The following RESF1 variants were observed in gnomAD, a reference collection of about 807,000 sequenced individuals.
RESF1 encodes retroelement silencing factor 1, also known as gonad expressed transcript.
A neutral mutation model predicts 134.7 loss-of-function variants in RESF1; 65 were observed. The observed-to-expected ratio is 0.48, with a 90% CI of 0.40 to 0.59. The LOEUF is 0.59. RESF1 is among the 20% of genes least tolerant of loss of function. The pLI, the probability that RESF1 is intolerant of heterozygous loss-of-function variation, is 0.00. For missense variants in RESF1, 2,274 were observed against 2,002.7 expected (o/e 1.14, Z -2.59); for synonymous variants, 762 against 702.2 (o/e 1.09, Z -1.35).
At chr12:31,991,007 C>G (rs530324456) in intron 5 of RESF1, among the ~76,000 whole-genome samples, 3 of 152,240 alleles carry the variant, frequency 2.0e-5, no homozygotes, top group South Asian at 4.1e-4. Flanking sequence ...CCAGCTTCGG[C>G]AACATCAGGA....
chr12:31,984,672 G>A lies in RESF1; in HGVS notation c.3717G>A (p.Lys1239=), dbSNP rs750536472. 2 of 1,584,282 alleles carry A rather than the reference G, an allele frequency of 1.3e-6. No individual in the cohort carries two copies. Among genetic ancestry groups the A allele is most frequent in the Admixed American group, 4.0e-5 (2 of 50,240 alleles). The change falls in exon 4 of 6, where the codon AAG becomes AAA. Residue 1239 remains lysine (K), a synonymous_variant. Transcript: ENST00000312561. ...TTAAGAGCCTTGTAAATAATCCAAA[G>A]ACTCCTCCAGATGGGAAAAGTCATT... The part of the protein sequence containing the change: ...VQFKSLVNNP[K]TPPDGKSHFP...
At chr12:31,960,714 T>A (rs940528615) in intron 1 of RESF1, 63 bp from the exon 2 acceptor site, 1 of 152,216 alleles carries the variant, frequency 6.6e-6, no homozygotes, top group Non-Finnish European at 1.5e-5. Flanking sequence ...CACAGCAGTG[T>A]CATATCTAGT....
At position 31,981,668 on chromosome 12, in the gene RESF1, C is replaced by G; in HGVS notation, c.713C>G (p.Pro238Arg). The G allele has an allele frequency of 1.9e-6, 3 of 1,613,744 alleles. No individual in the cohort carries two copies. The highest frequency in any genetic ancestry group is 2.5e-6 in the Non-Finnish European group (3 of 1,179,902). ...DSTIQKQNFI[P>R]HTSLQVKNSQ... ...ACCATTCAAAAACAAAACTTTATACCACATACATCATTGCAAGTTAAAAAT... is the reference window on the plus strand; with the variant it reads ...ACCATTCAAAAACAAAACTTTATACGACATACATCATTGCAAGTTAAAAAT... Residue 238 changes from proline to arginine, a missense_variant, in exon 4 of 6, where the codon CCA (proline) becomes CGA (arginine). Transcript: ENST00000312561.
In RESF1 at chr12:31,983,991, G is replaced by C. The variant is rs755000740; in HGVS notation, c.3036G>C (p.Ser1012=). 4 of 1,613,912 alleles carry C rather than the reference G, an allele frequency of 2.5e-6. No homozygotes were observed. The highest frequency in any genetic ancestry group is 3.4e-6 in the Non-Finnish European group (4 of 1,179,982). ...AAAGCACAGCTAACGATACGTGCTC[G>C]TCAGCTGCTATTCAGGAGGATATTT... is the stretch of plus-strand genomic sequence containing the variant. ...TEKSTANDTC[S]SAAIQEDIYP... is the part of the protein sequence containing the mutation. The change falls in exon 4 of 6, where the codon TCG becomes TCC. Residue 1012 remains serine (S), a synonymous_variant. Transcript: ENST00000312561.
rs149786017 is a variant in RESF1, at chr12:31,991,828, G to A, written c.5087-550G>A. 3.7e-3 allele frequency among the ~76,000 whole-genome samples: 567 copies of A among 152,272 alleles called. 6 individuals are homozygous for A. Among genetic ancestry groups the A allele is most frequent in the Middle Eastern group, 0.01 (3 of 294 alleles). On this transcript the variant is annotated intron_variant, in intron 5 of 5. Transcript: ENST00000312561. ...CTCCCAGAGTGCTGGGATTACAGGCGTGAACCACCATACCCAGCCTCAACA... is the reference window on the plus strand; with the variant it reads ...CTCCCAGAGTGCTGGGATTACAGGCATGAACCACCATACCCAGCCTCAACA...
chr12:31,966,117 C>T (rs1939392876), intron 2 of RESF1, among the ~76,000 whole-genome samples: 1 of 151,816 alleles, frequency 6.6e-6, no homozygotes. Flanking sequence ...TCTTGGGCCA[C>T]ACATAAAATA....
intron 5 of RESF1, among the ~76,000 whole-genome samples, chr12:31,991,166 C>G (rs981439305): frequency 1.3e-5 from 2 of 150,200 alleles, no homozygotes; most frequent in East Asian, 2.0e-4. Context: ...CACTGCACTC[C>G]AGCCTGGGCA....
intron 4 of RESF1, among the ~76,000 whole-genome samples, chr12:31,986,906 A>G (rs1939985181): frequency 6.6e-6 from 1 of 152,120 alleles, no homozygotes; most frequent in African/African-American, 2.4e-5. Context: ...GGATCCTTGG[A>G]ATTTGAGGTG....
chr12:31,992,677 G>C lies in RESF1; in HGVS notation c.*142G>C. The C allele has an allele frequency of 1.1e-6, 1 of 875,092 alleles. No homozygotes were observed. The highest frequency in any genetic ancestry group is 1.5e-5 in the South Asian group (1 of 66,258). The allele number at this position is 875,092 out of a possible 1,614,324, so 54.2% of individuals were successfully genotyped here. ...ACTTTCATTGTATTTCATTGAAAGT[G>C]CTTAATTAAAATGGCTTGAGAACTT... On this transcript the variant is annotated 3_prime_UTR_variant, in exon 6 of 6. Coordinates refer to ENST00000312561, the MANE Select transcript of RESF1 (RefSeq NM_018169.4).
At chr12:31,969,029 T>C (rs1164557042) in intron 2 of RESF1, among the ~76,000 whole-genome samples, 1 of 152,036 alleles carries the variant, frequency 6.6e-6, no homozygotes, top group Non-Finnish European at 1.5e-5. Flanking sequence ...CACTCTCGAC[T>C]TCCCATGCTC....
At position 31,992,653 on chromosome 12, in the gene RESF1, C is replaced by CT; in HGVS notation, c.*121dup. The CT allele has an allele frequency of 2.8e-6, 3 of 1,084,080 alleles. No individual in the cohort carries two copies. Among genetic ancestry groups the CT allele is most frequent in the Non-Finnish European group, 4.1e-6 (3 of 725,780 alleles). 67.2% of individuals were successfully genotyped at this position (1,084,080 alleles called of 1,614,324 possible). On this transcript the variant is annotated 3_prime_UTR_variant, in exon 6 of 6. Coordinates refer to ENST00000312561, the MANE Select transcript of RESF1 (RefSeq NM_018169.4). ...AAGATTTCTCAGAGTTTGGTTCCCA[C>CT]TTTCATTGTATTTCATTGAAAGTGC...
chr12:31,964,259 A>G (rs1047971692), intron 2 of RESF1, among the ~76,000 whole-genome samples: 1 of 130,958 alleles, frequency 7.6e-6, no homozygotes, highest in African/African-American at 2.9e-5. Flanking sequence ...CTAGTACCCA[A>G]TTAGTTGTTT....
chr12:31,985,084 T>C lies in RESF1; in HGVS notation c.4129T>C (p.Leu1377=). The change falls in exon 4 of 6, where the codon TTA becomes CTA. Residue 1377 remains leucine, a synonymous_variant. Coordinates refer to ENST00000312561, the MANE Select transcript of RESF1 (RefSeq NM_018169.4). Reference sequence around the variant, plus strand: ...AGTTAGCTTCAAACAAAAACGAAAGTTAGACCAAGGGAACGTATTAGATAT... The same window carrying C: ...AGTTAGCTTCAAACAAAAACGAAAGCTAGACCAAGGGAACGTATTAGATAT... ...KSVSFKQKRK[L]DQGNVLDMEV... is the part of the protein sequence containing the mutation. The C allele has an allele frequency of 6.4e-7, 1 of 1,567,636 alleles. No homozygotes were observed. Among genetic ancestry groups the C allele is most frequent in the Non-Finnish European group, 8.6e-7 (1 of 1,165,336 alleles).
rs1406247732 is a variant in RESF1, at chr12:31,983,509, C to A, written c.2554C>A (p.Pro852Thr). ...AACTAATGGTAATTCAGAAGTCACACCTAATGTCAATCAAGGAAAGCATAA... is the reference window on the plus strand; with the variant it reads ...AACTAATGGTAATTCAGAAGTCACAACTAATGTCAATCAAGGAAAGCATAA... Reference protein sequence around the residue: ...ESTNGNSEVTPNVNQGKHNKL... With the variant: ...ESTNGNSEVTTNVNQGKHNKL... Residue 852 changes from proline to threonine, a missense_variant, in exon 4 of 6, where the codon CCT (proline) becomes ACT (threonine). Pro to Thr is a conservative substitution (Grantham distance 38, BLOSUM62 -1). Coordinates refer to ENST00000312561, the MANE Select transcript of RESF1 (RefSeq NM_018169.4). The A allele has an allele frequency of 6.2e-7, 1 of 1,614,056 alleles. No homozygotes were observed. The highest frequency in any genetic ancestry group is 8.5e-7 in the Non-Finnish European group (1 of 1,179,988).
At chr12:31,969,023 C>G (rs12319843) in intron 2 of RESF1, among the ~76,000 whole-genome samples, 2,508 of 152,312 alleles carry the variant, frequency 0.016, 70 homozygotes, top group African/African-American at 0.058. Flanking sequence ...CCACTGCACT[C>G]TCGACTTCCC....
At chr12:31,978,633 C>T (rs1045803914) in intron 3 of RESF1, among the ~76,000 whole-genome samples, 1 of 151,846 alleles carries the variant, frequency 6.6e-6, no homozygotes, top group South Asian at 2.1e-4. Context: ...GCAACCTCCA[C>T]CTCCTGGGTT....
chr12:31,991,805 C>A (rs1448509714), intron 5 of RESF1, among the ~76,000 whole-genome samples: 1 of 152,120 alleles, frequency 6.6e-6, no homozygotes, highest in Non-Finnish European at 1.5e-5. Flanking sequence ...GCCTTGGCCT[C>A]CCAGAGTGCT....
Position 31,992,566 on chromosome 12 carries a change from G to A in RESF1, c.*31G>A. ...AGATGTGGTTTTGTAATTGCCACTG[G>A]GAAATTTCTTTCCTTTTCTGTTCAA... On this transcript the variant is annotated 3_prime_UTR_variant, in exon 6 of 6. Coordinates refer to ENST00000312561, the MANE Select transcript of RESF1 (RefSeq NM_018169.4). 2 of 1,598,030 alleles carry A rather than the reference G, an allele frequency of 1.3e-6. No homozygotes were observed. The highest frequency in any genetic ancestry group is 1.7e-6 in the Non-Finnish European group (2 of 1,169,858).
At chr12:31,987,381 G>A in intron 5 of RESF1, 59 bp downstream of exon 5, 1 of 950,986 alleles carries the variant, frequency 1.1e-6, no homozygotes, top group Non-Finnish European at 1.7e-6. Flanking sequence ...TATGGAAATT[G>A]GATTATGGTT....
Sources: gnomAD v4.1 joint callset for allele counts (sites outside exome capture counted in the v4.1 genomes callset) on GRCh38, gnomAD v4.1.1 for gene constraint, MANE v1.5 for transcripts, NCBI Gene and HGNC (gene_info 2026-07-23, HGNC 2026-07-21) for gene names.